Variants in NIPA1 observed in about 807,000 individuals in gnomAD.
The protein encoded by NIPA1 is NIPA magnesium transporter 1.
Under a neutral mutation model 23.9 loss-of-function variants are expected in NIPA1, and 13 were observed. The observed-to-expected ratio is 0.54, with a 90% CI of 0.35 to 0.87. NIPA1 has a LOEUF of 0.87. Among genes scored for constraint, NIPA1 ranks in the 40% least tolerant of loss-of-function variants. The pLI, the probability that NIPA1 is intolerant of heterozygous loss-of-function variation, is 0.01. For synonymous variants in NIPA1, 234 were observed against 202.9 expected (o/e 1.15, Z -1.30); for missense variants, 362 against 429.7 (o/e 0.84, Z 1.39).
intron 3 of NIPA1, among the ~76,000 whole-genome samples, 194 bp downstream of exon 3, chr15:22,812,447 T>A (rs772022051): frequency 2.7e-4 from 41 of 151,496 alleles, no homozygotes; most frequent in Non-Finnish European, 5.0e-4. Context: ...AGGTCACGAG[T>A]TCAAGACCAG....
chr15:22,787,217 C>G (rs1247579428), intron 1 of NIPA1, among the ~76,000 whole-genome samples: 1 of 152,118 alleles, frequency 6.6e-6, no homozygotes, highest in Non-Finnish European at 1.5e-5. Context: ...CAACCCGCGG[C>G]CGGGAGCCTC....
At chr15:22,812,664 AG>A (rs1219592309) in intron 3 of NIPA1, among the ~76,000 whole-genome samples, 1 of 151,080 alleles carries the variant, frequency 6.6e-6, no homozygotes, top group Non-Finnish European at 1.5e-5. Context: ...AAAAAAAAAA[AG>A]AAGATAGATC....
At chr15:22,815,994 T>C (rs1895407090) in intron 3 of NIPA1, among the ~76,000 whole-genome samples, 1 of 152,112 alleles carries the variant, frequency 6.6e-6, no homozygotes, top group Non-Finnish European at 1.5e-5. Context: ...TCATACTTAA[T>C]GGCACAAGGG....
intron 1 of NIPA1, among the ~76,000 whole-genome samples, chr15:22,807,033 G>C (rs1895224114): frequency 6.6e-6 from 1 of 152,142 alleles, no homozygotes. Context: ...TGGTTTAAAA[G>C]GTGAGGGTGA....
At chr15:22,813,011 A>G (rs1240344171) in intron 3 of NIPA1, among the ~76,000 whole-genome samples, 1 of 152,216 alleles carries the variant, frequency 6.6e-6, no homozygotes, top group Non-Finnish European at 1.5e-5. Flanking sequence ...AATACACGGC[A>G]TCAATGGATG....
At chr15:22,805,038 C>A (rs1050557074) in intron 1 of NIPA1, among the ~76,000 whole-genome samples, 7 of 152,020 alleles carry the variant, frequency 4.6e-5, no homozygotes, top group African/African-American at 1.7e-4. Context: ...GATAGGATTT[C>A]ACTGTGTTAG....
rs1895663090 is a variant in NIPA1, at chr15:22,826,868, G to A, written c.*2629G>A. 1 of 152,060 alleles carries A rather than the reference G, an allele frequency of 6.6e-6. No homozygotes were observed. The highest frequency in any genetic ancestry group is 2.1e-4 in the South Asian group (1 of 4,822). The allele number at this position is 152,060 out of a possible 1,614,324, so 9.4% of individuals were successfully genotyped here. A position where few individuals can be genotyped will look rare whatever the true frequency, so the allele number is the denominator to read the frequency against. On this transcript the variant is annotated 3_prime_UTR_variant, in exon 5 of 5. Coordinates refer to ENST00000337435, the MANE Select transcript of NIPA1 (RefSeq NM_144599.5). ...ATTGTTTTTCAAGCACGTGACACCA[G>A]CCTCAAAGTAAATGACATGACCAGT...
chr15:22,789,876 C>T (rs569650385), intron 1 of NIPA1, among the ~76,000 whole-genome samples: 66 of 152,078 alleles, frequency 4.3e-4, no homozygotes, highest in South Asian at 1.5e-3. Context: ...CTCATTGCAG[C>T]CCCCGCCTCC....
chr15:22,794,191 A>T (rs1038052957), intron 1 of NIPA1, among the ~76,000 whole-genome samples: 1 of 152,060 alleles, frequency 6.6e-6, no homozygotes, highest in Admixed American at 6.6e-5. Flanking sequence ...GGATGATAGC[A>T]AAAGTCAGTT....
chr15:22,796,890 C>T (rs1310195143), intron 1 of NIPA1, among the ~76,000 whole-genome samples: 1 of 152,096 alleles, frequency 6.6e-6, no homozygotes, highest in African/African-American at 2.4e-5. Context: ...TTTCCAGAAC[C>T]TAGGCTTAGT....
intron 1 of NIPA1, among the ~76,000 whole-genome samples, chr15:22,792,251 A>T (rs1214377244): frequency 6.6e-6 from 1 of 152,210 alleles, no homozygotes; most frequent in East Asian, 1.9e-4. Context: ...ATGGGCCCAA[A>T]GTCAGGCTGC....
intron 1 of NIPA1, among the ~76,000 whole-genome samples, chr15:22,787,589 T>C (rs11637124): frequency 0.29 from 43,823 of 152,126 alleles, 6,880 homozygotes; most frequent in Non-Finnish European, 0.36. Flanking sequence ...GAGCTCTCTG[T>C]CAGTGTCGTT....
At chr15:22,794,562 T>C (rs1595631073) in intron 1 of NIPA1, among the ~76,000 whole-genome samples, 1 of 152,028 alleles carries the variant, frequency 6.6e-6, no homozygotes, top group Non-Finnish European at 1.5e-5. Context: ...GACTCCTCCT[T>C]GAGAGGAGTG....
chr15:22,787,188 C>G (rs1186392608), intron 1 of NIPA1, among the ~76,000 whole-genome samples: 1 of 152,074 alleles, frequency 6.6e-6, no homozygotes, highest in Non-Finnish European at 1.5e-5. Context: ...CGCCGCCCGG[C>G]AGCCCTCGCC....
At chr15:22,803,248 C>T (rs529015945) in intron 1 of NIPA1, among the ~76,000 whole-genome samples, 1 of 151,892 alleles carries the variant, frequency 6.6e-6, no homozygotes, top group South Asian at 2.1e-4. Context: ...TGAGCCACCA[C>T]ATCTGGCTGG....
intron 4 of NIPA1, 34 bp downstream of exon 4, chr15:22,820,507 T>A: frequency 6.3e-7 from 1 of 1,589,688 alleles, no homozygotes; most frequent in Non-Finnish European, 8.6e-7. Context: ...CCAAGAAAGT[T>A]TGCAGTAGGA....
chr15:22,813,665 C>G (rs1566785306), intron 3 of NIPA1: 1 of 455,998 alleles, frequency 2.2e-6, no homozygotes, highest in Admixed American at 2.3e-5. Flanking sequence ...AGAAGTGTGT[C>G]CATGATGGGT....
chr15:22,829,653 C>G lies in NIPA1; in HGVS notation c.*5414C>G, dbSNP rs1895715665. On this transcript the variant is annotated 3_prime_UTR_variant, in exon 5 of 5. Coordinates refer to ENST00000337435, the MANE Select transcript of NIPA1 (RefSeq NM_144599.5). ...AGACACATGTGTCAGTGGCCAAGAC[C>G]TGCTTATATTTTGCTTTATAGATGT... is the stretch of plus-strand genomic sequence containing the variant. The G allele has an allele frequency of 6.6e-6, 1 of 152,158 alleles. No homozygotes were observed. Among genetic ancestry groups the G allele is most frequent in the Admixed American group, 6.5e-5 (1 of 15,270 alleles). 9.4% of individuals were successfully genotyped at this position (152,158 alleles called of 1,614,324 possible).
chr15:22,805,173 A>G (rs948221055), intron 1 of NIPA1, among the ~76,000 whole-genome samples: 1 of 152,198 alleles, frequency 6.6e-6, no homozygotes, highest in African/African-American at 2.4e-5. Flanking sequence ...AGTATATGTC[A>G]TAAAACTTTG....
Sources: allele counts gnomAD v4.1 joint callset (sites outside exome capture counted in the v4.1 genomes callset), GRCh38; gene constraint gnomAD v4.1.1; transcripts MANE v1.5; gene names NCBI Gene and HGNC (gene_info 2026-07-23, HGNC 2026-07-21).